Variants in RNF152 observed in about 807,000 individuals in gnomAD.
The protein encoded by RNF152 is E3 ubiquitin-protein ligase RNF152.
Under a neutral mutation model 12.7 loss-of-function variants are expected in RNF152, and 11 were observed. The observed-to-expected ratio is 0.86, with a 90% CI of 0.54 to 1.43. RNF152 has a LOEUF of 1.43. Ranked by LOEUF, RNF152 falls within the 40% of genes most tolerant of loss-of-function variation. The probability of loss-of-function intolerance (pLI) is 0.00; values close to 1 mark genes in which losing one functional copy is unlikely to be tolerated. For synonymous variants in RNF152, 113 were observed against 120.3 expected, an observed-to-expected ratio of 0.94 and a Z score of 0.40; for missense variants, 255 against 274.8, an observed-to-expected ratio of 0.93 and a Z score of 0.51.
rs1908930308 is a variant in RNF152 at position 61,813,657 on chromosome 18, G to A, written c.*2195C>T. 1 of 152,034 alleles carries A rather than the reference G, an allele frequency of 6.6e-6. No homozygotes were observed. The allele number at this position is 152,034 out of a possible 1,614,324, so 9.4% of individuals were successfully genotyped here. A position where few individuals can be genotyped will look rare whatever the true frequency, so the allele number is the denominator to read the frequency against. On this transcript the variant is annotated 3_prime_UTR_variant, in exon 2 of 2. Transcript: ENST00000312828. Reference sequence around the variant, plus strand: ...AACTCTATCACGTACTATACTACAGGGTCAGTCATTTCACACTGTACAGAA... The same window carrying A: ...AACTCTATCACGTACTATACTACAGAGTCAGTCATTTCACACTGTACAGAA...
intron 1 of RNF152, among the ~76,000 whole-genome samples, chr18:61,844,098 G>GAAAGAA (rs1693619470): frequency 8.1e-6 from 1 of 123,744 alleles, no homozygotes; most frequent in Non-Finnish European, 1.8e-5. Context: ...AAGAAAGAAA[G>GAAAGAA]AAAGAAAGAA....
chr18:61,829,143 C>A (rs544513652), intron 1 of RNF152, among the ~76,000 whole-genome samples: 1 of 152,274 alleles, frequency 6.6e-6, no homozygotes, highest in Admixed American at 6.5e-5. Flanking sequence ...GATTAACATG[C>A]ATTCATACAT....
chr18:61,816,392 C>T lies in RNF152; in HGVS notation c.72G>A (p.Arg24=), dbSNP rs1187773388. ...ICFNYYSPRR[R]PKLLDCKHTC... Reference sequence around the variant, plus strand: ...TGTGCTTGCAGTCCAGCAACTTGGGCCTGCGCCGGGGGCTGTAGTAATTGA... The same window carrying T: ...TGTGCTTGCAGTCCAGCAACTTGGGTCTGCGCCGGGGGCTGTAGTAATTGA... The change falls in exon 2 of 2, where the codon AGG becomes AGA. Residue 24 remains arginine, a synonymous_variant. Transcript: ENST00000312828. 1 of 1,614,120 alleles carries T rather than the reference C, an allele frequency of 6.2e-7. No individual in the cohort carries two copies. Among genetic ancestry groups the T allele is most frequent in the Admixed American group, 1.7e-5 (1 of 60,024 alleles).
At chr18:61,845,776 C>T (rs1229151018) in intron 1 of RNF152, among the ~76,000 whole-genome samples, 1 of 152,174 alleles carries the variant, frequency 6.6e-6, no homozygotes, top group African/African-American at 2.4e-5. Context: ...TCAGGAATCA[C>T]TTTTGTTTGA....
At chr18:61,841,642 G>A (rs4294914) in intron 1 of RNF152, among the ~76,000 whole-genome samples, 72,369 of 151,968 alleles carry the variant, frequency 0.48, 17,908 homozygotes, top group Non-Finnish European at 0.56. Flanking sequence ...ACCTCTGAGT[G>A]GGTAGAGATG....
At chr18:61,822,595 A>AT (rs541294567) in intron 1 of RNF152, among the ~76,000 whole-genome samples, 248 of 152,364 alleles carry the variant, frequency 1.6e-3, no homozygotes, top group Non-Finnish European at 2.6e-3. Context: ...GAGCCCAAGG[A>AT]TAAAAAAAGC....
At chr18:61,861,875 A>G (rs1911503817) in intron 1 of RNF152, among the ~76,000 whole-genome samples, 1 of 152,180 alleles carries the variant, frequency 6.6e-6, no homozygotes, top group Admixed American at 6.5e-5. Flanking sequence ...CATCTACTCA[A>G]GTGGGATCTG....
At chr18:61,856,141 T>C (rs1911217933) in intron 1 of RNF152, among the ~76,000 whole-genome samples, 1 of 152,162 alleles carries the variant, frequency 6.6e-6, no homozygotes, top group African/African-American at 2.4e-5. Context: ...TCTAAAAGCT[T>C]CTAAAAGCTC....
intron 1 of RNF152, among the ~76,000 whole-genome samples, chr18:61,889,234 A>G (rs1912837663): frequency 6.6e-6 from 1 of 152,188 alleles, no homozygotes. Context: ...TGTGACTTGG[A>G]GACTAACATA....
At chr18:61,846,391 A>G (rs1417899343) in intron 1 of RNF152, among the ~76,000 whole-genome samples, 1 of 152,126 alleles carries the variant, frequency 6.6e-6, no homozygotes, top group Non-Finnish European at 1.5e-5. Context: ...CACTGTGCCT[A>G]TGCAATCTCA....
At chr18:61,828,187 T>C (rs892458892) in intron 1 of RNF152, among the ~76,000 whole-genome samples, 2 of 152,354 alleles carry the variant, frequency 1.3e-5, no homozygotes, top group South Asian at 4.1e-4. Flanking sequence ...CCCCTATCTC[T>C]GCCACTAATA....
Position 61,858,194 on chromosome 18 carries a change from T to C in RNF152, c.-136+34601A>G, listed in dbSNP as rs529462337. Among the ~76,000 whole-genome samples, 12 of 152,334 alleles carry C rather than the reference T, an allele frequency of 7.9e-5. No individual in the cohort carries two copies. The East Asian group carries it at 2.3e-3, about 29-fold the overall frequency. On this transcript the variant is annotated intron_variant, in intron 1 of 1. Coordinates refer to ENST00000312828, the MANE Select transcript of RNF152 (RefSeq NM_173557.3). ...GGGACTCCACCCAGGTCCCACTGAC[T>C]GTGGGCTCGGCTGTGACCTCCTGCC...
At chr18:61,830,622 A>T (rs1205618619) in intron 1 of RNF152, among the ~76,000 whole-genome samples, 3 of 152,066 alleles carry the variant, frequency 2.0e-5, no homozygotes, top group Non-Finnish European at 4.4e-5. Context: ...TTTTCTTTTT[A>T]AGCCACTCTG....
In RNF152 at chr18:61,879,952, C is replaced by T. The variant is rs574479279; in HGVS notation, c.-136+12843G>A. 3.4e-4 allele frequency among the ~76,000 whole-genome samples: 49 copies of T among 146,120 alleles called. 1 individual carries two copies. The highest frequency in any genetic ancestry group is 3.4e-3 in the Middle Eastern group (1 of 290). On this transcript the variant is annotated intron_variant, in intron 1 of 1. Coordinates refer to ENST00000312828, the MANE Select transcript of RNF152 (RefSeq NM_173557.3). ...TGCACTCCAGCCAGGGCAACAAGAGCGAAACTCCATCTCAAAAAAAAAAAA... is the reference window on the plus strand; with the variant it reads ...TGCACTCCAGCCAGGGCAACAAGAGTGAAACTCCATCTCAAAAAAAAAAAA...
At chr18:61,875,323 C>T (rs1262171604) in intron 1 of RNF152, among the ~76,000 whole-genome samples, 1 of 152,172 alleles carries the variant, frequency 6.6e-6, no homozygotes, top group African/African-American at 2.4e-5. Context: ...ATTTTAAATC[C>T]AGTTGAAATC....
intron 1 of RNF152, among the ~76,000 whole-genome samples, chr18:61,871,317 C>T (rs1025069470): frequency 6.6e-6 from 1 of 152,032 alleles, no homozygotes; most frequent in African/African-American, 2.4e-5. Flanking sequence ...TCTGGATTCC[C>T]ACCTTAGACT....
chr18:61,825,711 C>T (rs183746992), intron 1 of RNF152, among the ~76,000 whole-genome samples: 20 of 152,262 alleles, frequency 1.3e-4, no homozygotes, highest in African/African-American at 4.8e-4. Context: ...AGTAGCCAGG[C>T]TCCCTTGGAG....
At chr18:61,820,126 G>A (rs1431087793) in intron 1 of RNF152, among the ~76,000 whole-genome samples, 2 of 150,248 alleles carry the variant, frequency 1.3e-5, no homozygotes, top group African/African-American at 2.4e-5. Flanking sequence ...TCAGGAGATC[G>A]AGACCATCCT....
chr18:61,844,975 C>G (rs572045592), intron 1 of RNF152, among the ~76,000 whole-genome samples: 1 of 152,314 alleles, frequency 6.6e-6, no homozygotes, highest in East Asian at 1.9e-4. Context: ...TTCCATTCCT[C>G]CTGAGGGCCA....
Sources: gnomAD v4.1 joint callset for allele counts (sites outside exome capture counted in the v4.1 genomes callset) on GRCh38, gnomAD v4.1.1 for gene constraint, MANE v1.5 for transcripts, NCBI Gene and HGNC (gene_info 2026-07-23, HGNC 2026-07-21) for gene names.